The following CDYL variants were observed in gnomAD, a reference collection of about 807,000 sequenced individuals.
CDYL encodes the protein chromodomain Y-like protein.
CDYL carries 8 observed loss-of-function variants against 47.3 expected under a neutral mutation model. That is an observed-to-expected ratio of 0.17 (90% CI 0.10 to 0.31). The LOEUF is 0.31. Among genes scored for constraint, CDYL ranks in the 10% least tolerant of loss-of-function variants. CDYL has a pLI of 1.00. For synonymous variants in CDYL, 266 were observed against 265.0 expected (o/e 1.00, Z -0.04); for missense variants, 471 against 701.4 (o/e 0.67, Z 3.71).
intron 2 of CDYL, among the ~76,000 whole-genome samples, chr6:4,732,082 C>T (rs770779137): frequency 3.3e-5 from 5 of 152,112 alleles, no homozygotes; most frequent in Non-Finnish European, 7.3e-5. Flanking sequence ...TCCCTGTAAT[C>T]CCAGCACTCT....
intron 1 of CDYL, among the ~76,000 whole-genome samples, chr6:4,829,398 A>T (rs1939427668): frequency 6.6e-6 from 1 of 152,168 alleles, no homozygotes; most frequent in African/African-American, 2.4e-5. Context: ...CCTGGAGCTA[A>T]GCAAACAAAA....
rs1302762539 is a variant in CDYL, at chr6:4,881,879, C to T, written c.25-9834C>T. Among the ~76,000 whole-genome samples the T allele has an allele frequency of 2.0e-5, 3 of 152,302 alleles. No individual in the cohort carries two copies. The East Asian group carries it at 5.8e-4, about 29-fold the overall frequency. ...TCTCCATAGGTCTTCTGCATTTCTG[C>T]ACCTTTTGCAAGCAGTGCACTGGCT... On this transcript the variant is annotated intron_variant, in intron 1 of 6. Transcript: ENST00000397588.
chr6:4,783,417 C>CTAT (rs529734493), intron 1 of CDYL, among the ~76,000 whole-genome samples: 47 of 137,436 alleles, frequency 3.4e-4, no homozygotes, highest in South Asian at 1.6e-3. Flanking sequence ...ATTCTTGAGA[C>CTAT]TTTTTTTTTT....
At chr6:4,713,265 C>A (rs1180153813) in intron 1 of CDYL, among the ~76,000 whole-genome samples, 1 of 152,152 alleles carries the variant, frequency 6.6e-6, no homozygotes, top group Non-Finnish European at 1.5e-5. Flanking sequence ...TCTGCTCTAC[C>A]CGGCATCTCC....
chr6:4,952,439 CT>C, intron 6 of CDYL, 30 bp downstream of exon 6: 1 of 1,578,268 alleles, frequency 6.3e-7, no homozygotes, highest in East Asian at 2.3e-5. Context: ...TTACACGTTA[CT>C]TTTTAAAAAA....
chr6:4,745,766 A>C (rs1582305246), intron 3 of CDYL, among the ~76,000 whole-genome samples: 1 of 151,986 alleles, frequency 6.6e-6, no homozygotes, highest in East Asian at 1.9e-4. Flanking sequence ...TCTCATGGGG[A>C]AGTGAGGGTA....
At chr6:4,765,068 A>AT (rs1464829285) in intron 3 of CDYL, among the ~76,000 whole-genome samples, 2 of 152,210 alleles carry the variant, frequency 1.3e-5, no homozygotes, top group Non-Finnish European at 2.9e-5. Context: ...CACGCCTGTA[A>AT]TCCCAGCACT....
intron 3 of CDYL, among the ~76,000 whole-genome samples, chr6:4,737,161 G>A (rs1757717926): frequency 6.6e-6 from 1 of 152,142 alleles, no homozygotes; most frequent in South Asian, 2.1e-4. Context: ...TGAAAAACAA[G>A]TTGTAAAGAC....
chr6:4,784,624 G>C (rs1323669028), intron 1 of CDYL, among the ~76,000 whole-genome samples: 1 of 152,192 alleles, frequency 6.6e-6, no homozygotes, highest in African/African-American at 2.4e-5. Context: ...TTGATATATA[G>C]TCTTGTACCA....
chr6:4,839,904 A>C (rs1319238252), intron 1 of CDYL, among the ~76,000 whole-genome samples: 1 of 151,862 alleles, frequency 6.6e-6, no homozygotes, highest in Non-Finnish European at 1.5e-5. Context: ...TTATGTGGGC[A>C]GTTTTTTGGT....
chr6:4,872,481 A>G (rs1194825386), intron 1 of CDYL, among the ~76,000 whole-genome samples: 5 of 152,012 alleles, frequency 3.3e-5, no homozygotes, highest in African/African-American at 1.2e-4. Context: ...TCCCAGGTTC[A>G]AGGATTCTCT....
At chr6:4,912,588 T>G (rs761793543) in intron 2 of CDYL, among the ~76,000 whole-genome samples, 2 of 152,254 alleles carry the variant, frequency 1.3e-5, no homozygotes, top group Non-Finnish European at 2.9e-5. Flanking sequence ...CATTTGACAT[T>G]TGATTGTCTT....
At chr6:4,952,554 T>C (rs1228259221) in intron 6 of CDYL, 145 bp downstream of exon 6, 5 of 824,648 alleles carry the variant, frequency 6.1e-6, no homozygotes, top group Non-Finnish European at 9.0e-6. Flanking sequence ...CCAGAACCTA[T>C]TGCCGCCACT....
chr6:4,923,929 A>G lies in CDYL; in HGVS notation c.692-11586A>G, dbSNP rs964249147. On this transcript the variant is annotated intron_variant, in intron 2 of 6. Transcript: ENST00000397588. ...AAAAAAAAAAAAAATCAAAAAAAAA[A>G]AAGAGTTCCCCTTTCTCCAAGGAGC... is the stretch of plus-strand genomic sequence containing the variant. Among the ~76,000 whole-genome samples, 291 of 151,976 alleles carry G rather than the reference A, an allele frequency of 1.9e-3. 1 individual carries two copies. Among genetic ancestry groups the G allele is most frequent in the African/African-American group, 6.8e-3 (282 of 41,474 alleles).
rs544556054 is a variant in CDYL at position 4,891,667 on chromosome 6, C to G, written c.25-46C>G. On this transcript the variant is annotated intron_variant, in intron 1 of 6. Coordinates refer to ENST00000397588, the MANE Select transcript of CDYL (RefSeq NM_004824.4). ...CCTAATGAAACTTGCACTTTTCCCC[C>G]CAAATTTTGATTTTTTTAAAACTAT... 4 of 1,488,610 alleles carry G rather than the reference C, an allele frequency of 2.7e-6. No individual in the cohort carries two copies. The Admixed American group carries it at 6.9e-5, about 26-fold the overall frequency. 92.2% of individuals were successfully genotyped at this position (1,488,610 alleles called of 1,614,324 possible). A position where few individuals can be genotyped will look rare whatever the true frequency, so the allele number is the denominator to read the frequency against.
intron 1 of CDYL, among the ~76,000 whole-genome samples, chr6:4,815,744 C>T (rs1026818429): frequency 1.5e-5 from 2 of 135,150 alleles, no homozygotes; most frequent in Admixed American, 1.6e-4. Context: ...GTTCTTCGAT[C>T]AGGCAGTTGG....
intron 1 of CDYL, among the ~76,000 whole-genome samples, chr6:4,713,619 G>A (rs912396479): frequency 3.8e-5 from 5 of 130,842 alleles, no homozygotes; most frequent in African/African-American, 1.2e-4. Context: ...ACAGAATCTT[G>A]CTGCGTTGCC....
chr6:4,891,131 G>T (rs1030491343), intron 1 of CDYL, among the ~76,000 whole-genome samples: 4 of 152,190 alleles, frequency 2.6e-5, no homozygotes, highest in African/African-American at 9.7e-5. Context: ...TTAAAACCAA[G>T]ATTTGAAAAT....
At chr6:4,767,759 A>G (rs1471985368) in intron 3 of CDYL, among the ~76,000 whole-genome samples, 1 of 152,236 alleles carries the variant, frequency 6.6e-6, no homozygotes, top group Non-Finnish European at 1.5e-5. Context: ...ACTCAATGTC[A>G]TATTGGAGGT....
Sources: gnomAD v4.1 joint callset for allele counts (sites outside exome capture counted in the v4.1 genomes callset) on GRCh38, gnomAD v4.1.1 for gene constraint, MANE v1.5 for transcripts, NCBI Gene and HGNC (gene_info 2026-07-23, HGNC 2026-07-21) for gene names.